Variants in MARK4 observed in about 807,000 individuals in gnomAD.
The protein encoded by MARK4 is microtubule affinity regulating kinase 4.
A neutral mutation model predicts 81.5 loss-of-function variants in MARK4; 19 were observed. The ratio of observed to expected loss-of-function variants is 0.23; its 90% CI spans 0.16 to 0.34. The LOEUF (loss-of-function observed/expected upper bound fraction) is 0.34, where lower values mean the gene tolerates loss of function less well. Among genes scored for constraint, MARK4 ranks in the 10% least tolerant of loss-of-function variants. The probability of loss-of-function intolerance (pLI) is 1.00; values close to 1 mark genes in which losing one functional copy is unlikely to be tolerated. For missense variants in MARK4, 772 were observed against 1,058.8 expected, an observed-to-expected ratio of 0.73 and a Z score of 3.76; for synonymous variants, 436 against 439.0, an observed-to-expected ratio of 0.99 and a Z score of 0.08.
In MARK4 at chr19:45,287,439, T is replaced by G; in HGVS notation, c.1277-8T>G. On this transcript the variant is annotated splice_region_variant and splice_polypyrimidine_tract_variant and intron_variant, in intron 12 of 16. Transcript: ENST00000262891. Reference sequence around the variant, plus strand: ...GATGCCAGCTCTAAACGGTACCCCCTCCCCCAGGTGGCCCATCCCCTGCAC... The same window carrying G: ...GATGCCAGCTCTAAACGGTACCCCCGCCCCCAGGTGGCCCATCCCCTGCAC... 2 of 1,420,350 alleles carry G rather than the reference T, an allele frequency of 1.4e-6. No individual in the cohort carries two copies. The highest frequency in any genetic ancestry group is 2.9e-5 in the African/African-American group (2 of 69,478). The allele number at this position is 1,420,350 out of a possible 1,614,324, so 88.0% of individuals were successfully genotyped here.
At chr19:45,294,556 G>A (rs1430665115) in intron 14 of MARK4, 104 bp downstream of exon 14, 2 of 976,128 alleles carry the variant, frequency 2.0e-6, no homozygotes, top group Admixed American at 2.0e-5. Flanking sequence ...GTGCCATGGG[G>A]ACCAGAGAGT....
chr19:45,258,624 CG>C (rs1970340094), intron 1 of MARK4, among the ~76,000 whole-genome samples: 1 of 151,822 alleles, frequency 6.6e-6, no homozygotes, highest in Non-Finnish European at 1.5e-5. Flanking sequence ...GGCTTGAACC[CG>C]GGAGGCAGAG....
At chr19:45,263,245 G>A in intron 3 of MARK4, 74 bp from the exon 4 acceptor site, 1 of 1,613,618 alleles carries the variant, frequency 6.2e-7, no homozygotes, top group Non-Finnish European at 8.5e-7. Flanking sequence ...TTCCTGCGGG[G>A]GCCCGGCTGG....
chr19:45,292,842 A>G (rs1970836509), intron 13 of MARK4, among the ~76,000 whole-genome samples: 1 of 152,172 alleles, frequency 6.6e-6, no homozygotes, highest in South Asian at 2.1e-4. Context: ...ACTGCACTCC[A>G]GCCTAGGCAT....
At position 45,302,283 on chromosome 19, in the gene MARK4, T is replaced by C. The variant is rs2123118655; in HGVS notation, c.1923-91T>C. The C allele has an allele frequency of 6.3e-7, 1 of 1,588,246 alleles. No homozygotes were observed. On this transcript the variant is annotated intron_variant, in intron 16 of 16. Coordinates refer to ENST00000262891, the MANE Select transcript of MARK4 (RefSeq NM_001199867.2). This position sits in a 1 kb window ranked among gnomAD's most constrained non-coding sequence, Gnocchi z 4.9. ...TGTTTTTTGAGGGGATGGCTAGGAA[T>C]GTGTCCCGAATTGGGAAGAGTTGTC...
intron 10 of MARK4, 30 bp downstream of exon 10, chr19:45,278,645 C>A: frequency 6.6e-7 from 1 of 1,516,382 alleles, no homozygotes; most frequent in Non-Finnish European, 9.2e-7. Flanking sequence ...ATCCTGTCAC[C>A]CAGGATGGAG....
At chr19:45,275,097 C>G (rs1251117844) in intron 8 of MARK4, among the ~76,000 whole-genome samples, 1 of 152,126 alleles carries the variant, frequency 6.6e-6, no homozygotes, top group Non-Finnish European at 1.5e-5. Flanking sequence ...CCCGTCTCTA[C>G]TAAAAATACA....
intron 10 of MARK4, chr19:45,280,130 C>A: frequency 4.6e-6 from 2 of 437,810 alleles, no homozygotes; most frequent in Non-Finnish European, 8.5e-6. Flanking sequence ...GGGTGGATTG[C>A]TTGTGCCCAG....
intron 13 of MARK4, among the ~76,000 whole-genome samples, chr19:45,293,065 T>A (rs1176295827): frequency 6.6e-6 from 1 of 152,080 alleles, no homozygotes; most frequent in African/African-American, 2.4e-5. Flanking sequence ...GTCAGGAGTT[T>A]GAGACCAGCC....
intron 9 of MARK4, among the ~76,000 whole-genome samples, chr19:45,278,282 C>T (rs1362282928): frequency 1.3e-5 from 2 of 152,086 alleles, no homozygotes; most frequent in African/African-American, 4.8e-5. Context: ...AGCTAATGAG[C>T]TCCTAGGATG....
chr19:45,300,172 C>G (rs1970948769), intron 16 of MARK4, among the ~76,000 whole-genome samples: 1 of 152,050 alleles, frequency 6.6e-6, no homozygotes, highest in African/African-American at 2.4e-5. Flanking sequence ...TGGAGAAACC[C>G]CGTCGTTACT....
Position 45,264,966 on chromosome 19 carries a change from T to G in MARK4, c.492+56T>G. 1.9e-6 allele frequency: 3 copies of G among 1,575,572 alleles called. No homozygotes were observed. In the South Asian group the frequency reaches 3.3e-5, roughly 18 times the overall value. On this transcript the variant is annotated intron_variant, in intron 6 of 16. Coordinates refer to ENST00000262891, the MANE Select transcript of MARK4 (RefSeq NM_001199867.2). The stretch of plus-strand genomic sequence containing the variant: ...GGGTGCCTGGGTCCCTGGGAGGGCG[T>G]CTGAGAGCTGGGCATGGTCTGGGCT...
intron 16 of MARK4, among the ~76,000 whole-genome samples, chr19:45,300,262 T>C (rs925929162): frequency 7.1e-6 from 1 of 141,162 alleles, no homozygotes; most frequent in African/African-American, 2.6e-5. Flanking sequence ...GGAGAATCGC[T>C]TGAACCCGGG....
chr19:45,251,553 C>G lies in MARK4; in HGVS notation c.-36C>G, dbSNP rs755998757. The G allele has an allele frequency of 3.2e-5, 25 of 785,996 alleles. No homozygotes were observed. In the South Asian group the frequency reaches 4.5e-4, roughly 14 times the overall value. The allele number at this position is 785,996 out of a possible 1,614,324, so 48.7% of individuals were successfully genotyped here. On this transcript the variant is annotated 5_prime_UTR_variant, in exon 1 of 17. Transcript: ENST00000262891. ...GGGACCCTGGGACCCCCGCCCCCCCCACCCGGCCGCCCCTGCCCCCCGGGA... is the reference window on the plus strand; with the variant it reads ...GGGACCCTGGGACCCCCGCCCCCCCGACCCGGCCGCCCCTGCCCCCCGGGA...
chr19:45,267,959 C>A (rs777890090), intron 7 of MARK4, among the ~76,000 whole-genome samples: 1 of 152,110 alleles, frequency 6.6e-6, no homozygotes, highest in African/African-American at 2.4e-5. Context: ...CCATGCCCAG[C>A]TAATTTTTGT....
At chr19:45,259,571 G>A (rs1970354463) in intron 2 of MARK4, among the ~76,000 whole-genome samples, 1 of 152,054 alleles carries the variant, frequency 6.6e-6, no homozygotes, top group South Asian at 2.1e-4. Context: ...AGACCAGCCT[G>A]GGCAACATAG....
At chr19:45,286,452 G>A (rs947069377) in intron 12 of MARK4, among the ~76,000 whole-genome samples, 1 of 149,982 alleles carries the variant, frequency 6.7e-6, no homozygotes, top group Admixed American at 6.6e-5. Context: ...GCTCACGCCT[G>A]TAATCCCAGC....
chr19:45,257,940 C>T (rs1015083809), intron 1 of MARK4, among the ~76,000 whole-genome samples: 10 of 148,692 alleles, frequency 6.7e-5, no homozygotes, highest in African/African-American at 9.9e-5. Flanking sequence ...CTGCCCGCCT[C>T]GGCCTCCCAA....
intron 12 of MARK4, among the ~76,000 whole-genome samples, chr19:45,283,196 G>A (rs1275895484): frequency 6.6e-6 from 1 of 151,898 alleles, no homozygotes; most frequent in Non-Finnish European, 1.5e-5. Flanking sequence ...GATCACCTGA[G>A]CGCAGGAGTT....
Sources: gnomAD v4.1 joint callset for allele counts (sites outside exome capture counted in the v4.1 genomes callset) on GRCh38, gnomAD v4.1.1 for gene constraint, Gnocchi (gnomAD v3.1) non-coding constraint, MANE v1.5 for transcripts, NCBI Gene and HGNC (gene_info 2026-07-23, HGNC 2026-07-21) for gene names.